The following MAGI1 variants were observed in gnomAD, a reference collection of about 807,000 sequenced individuals.
MAGI1 encodes the protein membrane-associated guanylate kinase, WW and PDZ domain-containing protein 1.
MAGI1 carries 58 observed loss-of-function variants against 139.9 expected under a neutral mutation model. The observed-to-expected ratio is 0.41, with a 90% CI of 0.34 to 0.52. The LOEUF is 0.52. Among genes scored for constraint, MAGI1 ranks in the 20% least tolerant of loss-of-function variants. The pLI is 0.12. For synonymous variants in MAGI1, 812 were observed against 737.9 expected, an observed-to-expected ratio of 1.10 and a Z score of -1.63; for missense variants, 1,874 against 1,901.6, an observed-to-expected ratio of 0.99 and a Z score of 0.27.
At chr3:66,014,241 G>A (rs185780901) in intron 1 of MAGI1, among the ~76,000 whole-genome samples, 12 of 152,164 alleles carry the variant, frequency 7.9e-5, no homozygotes, top group African/African-American at 2.6e-4. Context: ...CAAACAAACC[G>A]AGACATATGG....
chr3:66,002,997 A>G (rs1490036176), intron 1 of MAGI1, among the ~76,000 whole-genome samples: 1 of 152,164 alleles, frequency 6.6e-6, no homozygotes, highest in Non-Finnish European at 1.5e-5. Flanking sequence ...CACTACATAC[A>G]CACACATATA....
intron 1 of MAGI1, among the ~76,000 whole-genome samples, chr3:65,671,563 T>C (rs887231582): frequency 2.6e-5 from 4 of 152,190 alleles, no homozygotes; most frequent in Non-Finnish European, 5.9e-5. Flanking sequence ...GGTATATTTT[T>C]AATGGGTTAA....
intron 5 of MAGI1, among the ~76,000 whole-genome samples, chr3:65,461,551 T>C (rs1398470051): frequency 1.4e-5 from 2 of 147,870 alleles, no homozygotes; most frequent in African/African-American, 5.0e-5. Flanking sequence ...AGTGGTGGCG[T>C]GATCTTGGCT....
At chr3:65,636,774 A>G (rs566813186) in intron 1 of MAGI1, among the ~76,000 whole-genome samples, 10 of 152,252 alleles carry the variant, frequency 6.6e-5, no homozygotes, top group Admixed American at 5.2e-4. Context: ...GTCATTTAAC[A>G]TATCCAGAGA....
chr3:65,597,916 A>C (rs1406116213), intron 2 of MAGI1: 1 of 219,752 alleles, frequency 4.6e-6, no homozygotes, highest in Non-Finnish European at 9.3e-6. Context: ...CTGTAAAGAG[A>C]GGCGGGGGTG....
At chr3:65,748,945 G>T (rs2035917104) in intron 1 of MAGI1, among the ~76,000 whole-genome samples, 1 of 152,192 alleles carries the variant, frequency 6.6e-6, no homozygotes, top group Admixed American at 6.5e-5. Flanking sequence ...TTGGAGGCAG[G>T]AGAGTAATAG....
At chr3:65,574,255 A>T (rs1027581172) in intron 2 of MAGI1, among the ~76,000 whole-genome samples, 1 of 151,006 alleles carries the variant, frequency 6.6e-6, no homozygotes, top group Non-Finnish European at 1.5e-5. Context: ...ATATATATAC[A>T]TACATATATG....
chr3:65,651,614 T>A (rs2085586057), intron 1 of MAGI1, among the ~76,000 whole-genome samples: 1 of 152,162 alleles, frequency 6.6e-6, no homozygotes, highest in Admixed American at 6.6e-5. Flanking sequence ...TAACTGTTCA[T>A]CAGTGAGTCA....
In MAGI1 at chr3:66,016,953, GAGAA is replaced by G. The variant is rs535207943; in HGVS notation, c.313+21039_313+21042del. Among the ~76,000 whole-genome samples, 605 of 152,264 alleles carry G rather than the reference GAGAA, an allele frequency of 4.0e-3. 9 individuals carry two copies. The highest frequency in any genetic ancestry group is 1.0e-3 in the Non-Finnish European group (70 of 68,026). Reference sequence around the variant, plus strand: ...GGTATCTGGAGTAGTCAAATTCACAGAGAAAGAAATTTAGAGGTCACCAGGGGCC... The same window carrying G: ...GGTATCTGGAGTAGTCAAATTCACAGAGAAATTTAGAGGTCACCAGGGGCC... On this transcript the variant is annotated intron_variant, in intron 1 of 22. Coordinates refer to ENST00000402939, the MANE Select transcript of MAGI1 (RefSeq NM_001033057.2).
chr3:65,377,823 T>C (rs1290606569), intron 17 of MAGI1, among the ~76,000 whole-genome samples: 1 of 152,212 alleles, frequency 6.6e-6, no homozygotes, highest in African/African-American at 2.4e-5. Context: ...CACACATGCA[T>C]AGACCTGGCT....
chr3:65,443,228 A>T (rs1559558152), intron 7 of MAGI1, among the ~76,000 whole-genome samples: 1 of 152,188 alleles, frequency 6.6e-6, no homozygotes, highest in Admixed American at 6.5e-5. Flanking sequence ...ACAAGCAAAA[A>T]TGGATGAAAA....
At chr3:65,801,551 G>A (rs1275794593) in intron 1 of MAGI1, among the ~76,000 whole-genome samples, 1 of 152,150 alleles carries the variant, frequency 6.6e-6, no homozygotes, top group East Asian at 1.9e-4. Flanking sequence ...ATCAAGATCT[G>A]AGGAAGACCT....
At chr3:65,669,510 C>T (rs1176619803) in intron 1 of MAGI1, among the ~76,000 whole-genome samples, 1 of 152,190 alleles carries the variant, frequency 6.6e-6, no homozygotes, top group Non-Finnish European at 1.5e-5. Flanking sequence ...AGCAGAATGT[C>T]TTGAAGAGTC....
chr3:65,562,261 C>G (rs565761528), intron 2 of MAGI1, among the ~76,000 whole-genome samples: 1 of 152,116 alleles, frequency 6.6e-6, no homozygotes, highest in Non-Finnish European at 1.5e-5. Context: ...AAACTTACCA[C>G]GTTTTATCAA....
intron 2 of MAGI1, among the ~76,000 whole-genome samples, chr3:65,496,209 T>TTG (rs1952435154): frequency 4.6e-5 from 1 of 21,578 alleles, no homozygotes; most frequent in East Asian, 3.3e-3. Flanking sequence ...ACCCAGCTAA[T>TTG]TTTTTTTTTT....
intron 2 of MAGI1, among the ~76,000 whole-genome samples, chr3:65,494,744 A>C (rs1445523316): frequency 6.6e-6 from 1 of 152,242 alleles, no homozygotes; most frequent in Non-Finnish European, 1.5e-5. Context: ...TGAAGTTCTT[A>C]GCACTGTGCA....
chr3:65,761,225 A>G (rs1340954086), intron 1 of MAGI1, among the ~76,000 whole-genome samples: 1 of 152,172 alleles, frequency 6.6e-6, no homozygotes, highest in African/African-American at 2.4e-5. Flanking sequence ...TAGGGAAAAC[A>G]GCTCTCAGAC....
At chr3:65,687,942 A>T in intron 1 of MAGI1, 1 of 708,450 alleles carries the variant, frequency 1.4e-6, no homozygotes, top group Non-Finnish European at 2.6e-6. Flanking sequence ...GTTCAAGGAA[A>T]ATGGCTCTCA....
At chr3:65,499,513 G>C (rs1195236827) in intron 2 of MAGI1, among the ~76,000 whole-genome samples, 2 of 152,116 alleles carry the variant, frequency 1.3e-5, no homozygotes, top group Non-Finnish European at 2.9e-5. Flanking sequence ...GCCAGGCATG[G>C]TGGCAGGTAA....
Sources: allele counts gnomAD v4.1 joint callset (sites outside exome capture counted in the v4.1 genomes callset), GRCh38; gene constraint gnomAD v4.1.1; transcripts MANE v1.5; gene names NCBI Gene and HGNC (gene_info 2026-07-23, HGNC 2026-07-21).